The following GRIN1 variants were observed in gnomAD, a reference collection of about 807,000 sequenced individuals.
GRIN1 encodes glutamate ionotropic receptor NMDA type subunit 1, also known as glutamate receptor ionotropic, NMDA 1.
Under a neutral mutation model 103.0 loss-of-function variants are expected in GRIN1, and 38 were observed. That is an observed-to-expected ratio of 0.37 (90% CI 0.28 to 0.48). The LOEUF is 0.48. GRIN1 is among the 20% of genes least tolerant of loss of function. GRIN1 has a pLI of 0.98. For synonymous variants in GRIN1, 544 were observed against 532.7 expected (o/e 1.02, Z -0.29); for missense variants, 577 against 1,288.9 (o/e 0.45, Z 8.46).
chr9:137,151,395 A>G (rs1429266274), intron 4 of GRIN1, among the ~76,000 whole-genome samples: 1 of 145,566 alleles, frequency 6.9e-6, no homozygotes, highest in East Asian at 2.1e-4. Context: ...CCAGCCCAGA[A>G]AAAGACCCGC....
chr9:137,161,939 A>G lies in GRIN1; in HGVS notation c.1483A>G (p.Lys495Glu), dbSNP rs1833574504. The G allele has an allele frequency of 6.4e-7, 1 of 1,563,892 alleles. No individual in the cohort carries two copies. The highest frequency in any genetic ancestry group is 8.7e-7 in the Non-Finnish European group (1 of 1,154,478). ...GTQERVNNSNKKEWNGMMGEL... is the reference protein window; with the variant it reads ...GTQERVNNSNEKEWNGMMGEL... ...CGCCTCGCAGGTGAACAACAGCAAC[A>G]AGAAGGAGTGGAATGGGATGATGGG... Residue 495 changes from lysine (K) to glutamate (E), a missense_variant, in exon 11 of 20, where the codon AAG (lysine) becomes GAG (glutamate). Around this residue, in one of 9 missense-constraint regions of GRIN1, gnomAD observed 96 missense variants for 145.0 expected, o/e 0.66. Coordinates refer to ENST00000371561, the MANE Select transcript of GRIN1 (RefSeq NM_007327.4).
chr9:137,164,089 C>T, intron 18 of GRIN1, 185 bp downstream of exon 18: 1 of 737,172 alleles, frequency 1.4e-6, no homozygotes, highest in Non-Finnish European at 2.3e-6. Flanking sequence ...GGGCTGCCTG[C>T]AGGTGGCTGC....
chr9:137,146,879 G>A lies in GRIN1; in HGVS notation c.570+977G>A, dbSNP rs1274693206. Among the ~76,000 whole-genome samples, 2 of 152,054 alleles carry A rather than the reference G, an allele frequency of 1.3e-5. No homozygotes were observed. Among genetic ancestry groups the A allele is most frequent in the East Asian group, 1.9e-4 (1 of 5,172 alleles). Reference sequence around the variant, plus strand: ...CGGGAGGGACCAGAGGGCATGGGTCGGGGGTAAAGCCAGGGGCAGACCAGA... The same window carrying A: ...CGGGAGGGACCAGAGGGCATGGGTCAGGGGTAAAGCCAGGGGCAGACCAGA... On this transcript the variant is annotated intron_variant, in intron 3 of 19. Coordinates refer to ENST00000371561, the MANE Select transcript of GRIN1 (RefSeq NM_007327.4). The surrounding 1 kb of genome is among the most constrained non-coding windows in gnomAD (Gnocchi z 6.7).
intron 4 of GRIN1, among the ~76,000 whole-genome samples, chr9:137,153,194 C>A (rs1833008551): frequency 6.6e-6 from 1 of 151,542 alleles, no homozygotes; most frequent in African/African-American, 2.4e-5. Flanking sequence ...CCATCATGTA[C>A]AGGTCACACA....
intron 4 of GRIN1, 122 bp downstream of exon 4, chr9:137,149,231 A>T (rs1344845102): frequency 1.3e-6 from 1 of 750,402 alleles, no homozygotes; most frequent in Admixed American, 2.0e-5. Context: ...AAGCACCTTC[A>T]CCAAGGACAG....
In GRIN1 at chr9:137,156,762, GGGGAACGCC is replaced by G; in HGVS notation, c.766_774del (p.Gly256_Ala258del). The G allele has an allele frequency of 6.3e-7, 1 of 1,588,976 alleles. No individual in the cohort carries two copies. The highest frequency in any genetic ancestry group is 8.6e-7 in the Non-Finnish European group (1 of 1,169,310). The stretch of plus-strand genomic sequence containing the variant: ...GGCTGGTCGGCGAGCGCGAGATCTC[GGGGAACGCC>G]CTGCGCTACGCCCCAGACGGTGAGT... On this transcript the variant is annotated inframe_deletion, in exon 5 of 20. Transcript: ENST00000371561.
At chr9:137,167,022 T>C (rs997505444) in intron 19 of GRIN1, among the ~76,000 whole-genome samples, 1 of 152,194 alleles carries the variant, frequency 6.6e-6, no homozygotes, top group South Asian at 2.1e-4. Flanking sequence ...GAGACCCTCA[T>C]GGTGCCCTCC....
intron 8 of GRIN1, among the ~76,000 whole-genome samples, chr9:137,159,604 C>T (rs554672365): frequency 6.6e-6 from 1 of 152,348 alleles, no homozygotes; most frequent in East Asian, 1.9e-4. Context: ...AGCGGTCAAA[C>T]GCTAATGGCC....
Position 137,148,439 on chromosome 9 carries a change from C to T in GRIN1, c.571-570C>T, listed in dbSNP as rs561404619. Among the ~76,000 whole-genome samples the T allele has an allele frequency of 4.5e-4, 68 of 152,306 alleles. No homozygotes were observed. The East Asian group carries it at 8.5e-3, about 19-fold the overall frequency. On this transcript the variant is annotated intron_variant, in intron 3 of 19. Coordinates refer to ENST00000371561, the MANE Select transcript of GRIN1 (RefSeq NM_007327.4). ...CCCTAGCCTGCACCCTCGAGGCAGG[C>T]GCGGCTGCAGGAGGAGCTGCTCTCC...
At position 137,160,917 on chromosome 9, in the gene GRIN1, C is replaced by G. The variant is rs1447163496; in HGVS notation, c.1198-139C>G. 8 of 1,086,146 alleles carry G rather than the reference C, an allele frequency of 7.4e-6. No individual in the cohort carries two copies. The East Asian group carries it at 1.8e-4, about 25-fold the overall frequency. 67.3% of individuals were successfully genotyped at this position (1,086,146 alleles called of 1,614,324 possible). A position where few individuals can be genotyped will look rare whatever the true frequency, so the allele number is the denominator to read the frequency against. ...AGAAGCTCCAGAGAGGGGCAGTGGC[C>G]GGCGGCGCAGGGCGGGGGGTGTGAG... is the stretch of plus-strand genomic sequence containing the variant. On this transcript the variant is annotated intron_variant, in intron 8 of 19. Transcript: ENST00000371561.
intron 8 of GRIN1, 126 bp from the exon 9 acceptor site, chr9:137,160,930 C>T (rs971126278): frequency 2.5e-6 from 3 of 1,219,514 alleles, no homozygotes; most frequent in African/African-American, 1.5e-5. Context: ...CGGCGCAGGG[C>T]GGGGGGTGTG....
chr9:137,148,414 C>T (rs1260991941), intron 3 of GRIN1, among the ~76,000 whole-genome samples: 1 of 152,166 alleles, frequency 6.6e-6, no homozygotes, highest in Admixed American at 6.5e-5. Flanking sequence ...CCCGCCGTGA[C>T]CCTAGCCTGC....
intron 4 of GRIN1, among the ~76,000 whole-genome samples, chr9:137,152,747 T>C (rs1282226257): frequency 6.6e-6 from 1 of 152,072 alleles, no homozygotes; most frequent in Non-Finnish European, 1.5e-5. Context: ...ACCACGTGCA[T>C]ACCACACATC....
rs563005764 is a variant in GRIN1 at position 137,153,286 on chromosome 9, T to C, written c.672-3383T>C. ...CATACACCATACACATGTGCACAAA[T>C]GTATGTACACACACCATAGTCACAC... On this transcript the variant is annotated intron_variant, in intron 4 of 19. Coordinates refer to ENST00000371561, the MANE Select transcript of GRIN1 (RefSeq NM_007327.4). Among the ~76,000 whole-genome samples the C allele has an allele frequency of 2.0e-5, 3 of 147,660 alleles. No homozygotes were observed. The South Asian group carries it at 6.4e-4, about 32-fold the overall frequency.
Position 137,162,403 on chromosome 9 carries a change from GC to G in GRIN1, c.1755del (p.Phe586SerfsTer6), listed in dbSNP as rs780811227. ...TCCCGCCCGCCCTCTGCGCCCCGCA[GC>G]CCCTTCGGCCGGTTCAAGGTGAACA... Reference protein sequence around the residue: ...AVMLYLLDRFSPFGRFKVNSE... With the variant: ...AVMLYLLDRFXPFGRFKVNSE... On this transcript the variant is annotated frameshift_variant and splice_region_variant, in exon 13 of 20. Transcript: ENST00000371561. LOFTEE classifies it high-confidence loss of function. 6.2e-7 allele frequency: 1 copy of G among 1,602,718 alleles called. No individual in the cohort carries two copies. The highest frequency in any genetic ancestry group is 1.1e-5 in the South Asian group (1 of 90,940).
rs376015681 is a variant in GRIN1 at position 137,158,676 on chromosome 9, G to A, written c.1169G>A (p.Arg390Gln). 22 of 1,612,706 alleles carry A rather than the reference G, an allele frequency of 1.4e-5. No individual in the cohort carries two copies. The highest frequency in any genetic ancestry group is 8.0e-5 in the African/African-American group (6 of 74,912). The part of the protein sequence containing the change: ...IWPGGETEKP[R>Q]GYQMSTRLKI... ...CCAGGCGGAGAGACAGAGAAGCCTCGAGGGTACCAGATGTCCACCAGACTG... is the reference window on the plus strand; with the variant it reads ...CCAGGCGGAGAGACAGAGAAGCCTCAAGGGTACCAGATGTCCACCAGACTG... Residue 390 changes from arginine (R) to glutamine (Q), a missense_variant, in exon 8 of 20, where the codon CGA becomes CAA. Arg to Gln is a conservative substitution (Grantham distance 43, BLOSUM62 1). Around this residue, in one of 9 missense-constraint regions of GRIN1, gnomAD observed 308 missense variants for 553.6 expected, o/e 0.56. Transcript: ENST00000371561.
rs1334838739 is a variant in GRIN1, at chr9:137,139,366, G to T, written c.-121G>T. ...ACGTCCCGGGACCGCCGCTCCGGGG[G>T]AGACGTGGCGTCCGCAGCCCGCGGG... On this transcript the variant is annotated 5_prime_UTR_variant, in exon 1 of 20. Coordinates refer to ENST00000371561, the MANE Select transcript of GRIN1 (RefSeq NM_007327.4). This position sits in a 1 kb window ranked among gnomAD's most constrained non-coding sequence, Gnocchi z 7.7. 3 of 534,476 alleles carry T rather than the reference G, an allele frequency of 5.6e-6. No individual in the cohort carries two copies. Among genetic ancestry groups the T allele is most frequent in the East Asian group, 9.5e-5 (2 of 21,000 alleles). 33.1% of individuals were successfully genotyped at this position (534,476 alleles called of 1,614,324 possible). A position where few individuals can be genotyped will look rare whatever the true frequency, so the allele number is the denominator to read the frequency against.
chr9:137,165,944 G>A (rs2131310169), intron 19 of GRIN1, among the ~76,000 whole-genome samples: 1 of 152,312 alleles, frequency 6.6e-6, no homozygotes, highest in African/African-American at 2.4e-5. Flanking sequence ...GGGGCCTGGA[G>A]TTGGAACTGG....
intron 4 of GRIN1, among the ~76,000 whole-genome samples, chr9:137,150,652 C>A (rs1348782595): frequency 1.4e-5 from 2 of 144,394 alleles, no homozygotes. Flanking sequence ...AAAGACCAGC[C>A]CAAGGAAAGC....
Sources: gnomAD v4.1 joint callset for allele counts (sites outside exome capture counted in the v4.1 genomes callset) on GRCh38, gnomAD v4.1.1 for gene constraint, gnomAD v4.1.1 regional missense constraint, Gnocchi (gnomAD v3.1) non-coding constraint, MANE v1.5 for transcripts, NCBI Gene and HGNC (gene_info 2026-07-23, HGNC 2026-07-21) for gene names.